USP32: variants seen among roughly 807,000 people sequenced by gnomAD.
The protein encoded by USP32 is ubiquitin carboxyl-terminal hydrolase 32.
In USP32, 59 loss-of-function variants were observed where a neutral mutation model predicts 204.8. The observed-to-expected ratio is 0.29, with a 90% CI of 0.23 to 0.36. USP32 has a LOEUF of 0.36. USP32 is among the 10% of genes least tolerant of loss of function. USP32 has a pLI of 1.00. For missense variants in USP32, 1,160 were observed against 1,946.4 expected, an observed-to-expected ratio of 0.60 and a Z score of 7.60; for synonymous variants, 517 against 678.4, an observed-to-expected ratio of 0.76 and a Z score of 3.70.
intron 1 of USP32, among the ~76,000 whole-genome samples, chr17:60,402,865 T>C (rs2089946985): frequency 6.6e-6 from 1 of 152,074 alleles, no homozygotes; most frequent in African/African-American, 2.4e-5. Context: ...TTGATGCTTG[T>C]TGTCAGCTAA....
In USP32 at chr17:60,223,478, A is replaced by T. The variant is rs145797978; in HGVS notation, c.1541T>A (p.Leu514Ter). 1 of 1,613,850 alleles carries T rather than the reference A, an allele frequency of 6.2e-7. No individual in the cohort carries two copies. The highest frequency in any genetic ancestry group is 1.3e-5 in the African/African-American group (1 of 74,926). ...CLLGANGNIL[L>*]HLNPQKPGAI... The stretch of plus-strand genomic sequence containing the variant: ...CCCTGGTTTCTGAGGGTTAAGGTGC[A>T]ACAAAATATTCCCATTGGCTCCCAG... Residue 514 changes from leucine to a stop codon, truncating the protein, a stop_gained, in exon 14 of 34, where the codon TTG becomes TAG. Transcript: ENST00000300896. LOFTEE classifies it high-confidence loss of function.
chr17:60,203,574 T>TTTTA (rs954803575), intron 26 of USP32, among the ~76,000 whole-genome samples: 12 of 152,028 alleles, frequency 7.9e-5, no homozygotes, highest in East Asian at 1.9e-4. Flanking sequence ...CTTTCCTTTA[T>TTTTA]TTTATTTATT....
chr17:60,391,435 G>A, intron 1 of USP32, among the ~76,000 whole-genome samples: 1 of 152,184 alleles, frequency 6.6e-6, no homozygotes, highest in Non-Finnish European at 1.5e-5. Flanking sequence ...AGAGAGGAGC[G>A]CTTTGCAGCC....
intron 9 of USP32, among the ~76,000 whole-genome samples, chr17:60,258,963 T>C (rs1353281521): frequency 6.6e-6 from 1 of 152,230 alleles, no homozygotes; most frequent in Non-Finnish European, 1.5e-5. Flanking sequence ...GAACTACTTT[T>C]TTACACAATC....
At chr17:60,338,872 T>C (rs1347842046) in intron 2 of USP32, among the ~76,000 whole-genome samples, 1 of 152,248 alleles carries the variant, frequency 6.6e-6, no homozygotes, top group Non-Finnish European at 1.5e-5. Flanking sequence ...GTTACGATTA[T>C]AAGCAAGATT....
At chr17:60,255,311 T>C in intron 9 of USP32, 53 bp from the exon 10 acceptor site, 1 of 1,471,110 alleles carries the variant, frequency 6.8e-7, no homozygotes, top group Non-Finnish European at 9.2e-7. Flanking sequence ...TTTTTTTTTT[T>C]TTTTGAGACG....
At chr17:60,202,333 T>G (rs1396043990) in intron 26 of USP32, among the ~76,000 whole-genome samples, 1 of 152,180 alleles carries the variant, frequency 6.6e-6, no homozygotes, top group Non-Finnish European at 1.5e-5. Context: ...AATCTTGATA[T>G]CTGGATGATA....
intron 16 of USP32, among the ~76,000 whole-genome samples, chr17:60,218,151 G>A (rs753670657): frequency 3.3e-5 from 5 of 152,106 alleles, no homozygotes; most frequent in South Asian, 2.1e-4. Flanking sequence ...CAAACAGGCC[G>A]AGGTGGATGG....
intron 12 of USP32, among the ~76,000 whole-genome samples, chr17:60,234,345 C>T (rs185433022): frequency 3.6e-4 from 54 of 151,386 alleles, no homozygotes; most frequent in Middle Eastern, 3.4e-3. Flanking sequence ...GATCTCCCGA[C>T]CTCGTGATCC....
chr17:60,284,214 C>CT (rs1181309647), intron 5 of USP32, among the ~76,000 whole-genome samples: 3,061 of 132,124 alleles, frequency 0.023, 61 homozygotes, highest in African/African-American at 0.031. Context: ...TTTTTCTTTT[C>CT]TTTTTTTTTT....
intron 32 of USP32, among the ~76,000 whole-genome samples, chr17:60,181,051 T>C (rs1173261673): frequency 1.3e-5 from 2 of 151,726 alleles, no homozygotes; most frequent in Non-Finnish European, 2.9e-5. Context: ...CCTTGCTCCA[T>C]TTTAAAATTA....
rs2089515291 is a variant in USP32 at position 60,375,148 on chromosome 17, T to C, written c.58+16734A>G. 2.0e-5 allele frequency among the ~76,000 whole-genome samples: 3 copies of C among 152,222 alleles called. No individual in the cohort carries two copies. In the South Asian group the frequency reaches 6.2e-4, roughly 31 times the overall value. ...AGTGCTGTTGGTGGCTGGTAGTTGA[T>C]ATTCCTGTTTGTCTTTGTTTATGAA... On this transcript the variant is annotated intron_variant, in intron 1 of 33. Coordinates refer to ENST00000300896, the MANE Select transcript of USP32 (RefSeq NM_032582.4).
chr17:60,332,185 G>A lies in USP32; in HGVS notation c.186+13296C>T, dbSNP rs373519844. Among the ~76,000 whole-genome samples the A allele has an allele frequency of 5.3e-5, 8 of 152,210 alleles. No homozygotes were observed. The East Asian group carries it at 1.6e-3, about 29-fold the overall frequency. On this transcript the variant is annotated intron_variant, in intron 2 of 33. Transcript: ENST00000300896. ...AGGCACGAGACTCGCTTGAACCTGG[G>A]AGGTGGAGGTTGAGGTGAGCAGAGA...
chr17:60,244,161 G>A (rs963095297), intron 11 of USP32, among the ~76,000 whole-genome samples: 3 of 147,334 alleles, frequency 2.0e-5, no homozygotes, highest in Admixed American at 6.9e-5. Context: ...TCAGCCTCCC[G>A]AGTAGCTGGG....
At chr17:60,243,962 T>C (rs1351757887) in intron 11 of USP32, among the ~76,000 whole-genome samples, 1 of 152,006 alleles carries the variant, frequency 6.6e-6, no homozygotes, top group African/African-American at 2.4e-5. Flanking sequence ...TATATTTGTA[T>C]GGTTTTATCT....
At chr17:60,183,110 T>C in intron 31 of USP32, 55 bp downstream of exon 31, 3 of 1,525,550 alleles carry the variant, frequency 2.0e-6, no homozygotes, top group Non-Finnish European at 2.6e-6. Flanking sequence ...CAGAGAAACA[T>C]ATGTAGCCTA....
At chr17:60,395,248 A>C (rs79210680), upstream of USP32, among the ~76,000 whole-genome samples, 182 of 152,324 alleles carry the variant, frequency 1.2e-3, no homozygotes, top group African/African-American at 3.4e-3. Flanking sequence ...TTCCTCTTTA[A>C]GTTTCAGGCC....
chr17:60,287,012 T>C (rs1198041360), intron 5 of USP32, among the ~76,000 whole-genome samples: 2 of 152,078 alleles, frequency 1.3e-5, no homozygotes, highest in Non-Finnish European at 1.5e-5. Context: ...TAGCTGCACA[T>C]GGTGGCAGGC....
At chr17:60,183,571 T>G in intron 30 of USP32, 118 bp from the exon 31 acceptor site, 1 of 1,372,420 alleles carries the variant, frequency 7.3e-7, no homozygotes. Flanking sequence ...GAACATTTAC[T>G]CTTCATTATT....
Sources: allele counts gnomAD v4.1 joint callset (sites outside exome capture counted in the v4.1 genomes callset), GRCh38; gene constraint gnomAD v4.1.1; transcripts MANE v1.5; gene names NCBI Gene and HGNC (gene_info 2026-07-23, HGNC 2026-07-21).